Variants in CAPZB observed in about 807,000 individuals in gnomAD.
CAPZB encodes capping actin protein of muscle Z-line subunit beta, also known as F-actin-capping protein subunit beta.
CAPZB carries 2 observed loss-of-function variants against 38.1 expected under a neutral mutation model. That is an observed-to-expected ratio of 0.05 (90% CI 0.02 to 0.17). The LOEUF (loss-of-function observed/expected upper bound fraction) is 0.17, where lower values mean the gene tolerates loss of function less well. Among genes scored for constraint, CAPZB ranks in the 10% least tolerant of loss-of-function variants. The pLI, the probability that CAPZB is intolerant of heterozygous loss-of-function variation, is 1.00. For synonymous variants in CAPZB, 107 were observed against 127.4 expected (o/e 0.84, Z 1.08); for missense variants, 161 against 334.2 (o/e 0.48, Z 4.04).
chr1:19,405,145 C>A (rs1299631068), intron 2 of CAPZB, among the ~76,000 whole-genome samples: 1 of 152,188 alleles, frequency 6.6e-6, no homozygotes, highest in Non-Finnish European at 1.5e-5. Flanking sequence ...GGTCTCAGAT[C>A]ACACAGCCTA....
At chr1:19,342,048 G>A (rs1399527083) in intron 8 of CAPZB, among the ~76,000 whole-genome samples, 2 of 152,232 alleles carry the variant, frequency 1.3e-5, no homozygotes, top group Non-Finnish European at 1.5e-5. Flanking sequence ...ACAAGCTCAA[G>A]TCATGGTTCT....
chr1:19,476,235 G>GATAA (rs2094606697), intron 1 of CAPZB, among the ~76,000 whole-genome samples: 1 of 151,174 alleles, frequency 6.6e-6, no homozygotes, highest in African/African-American at 2.5e-5. Context: ...TAGGCAGGCA[G>GATAA]GCAGGCACTG....
At chr1:19,387,080 G>GGTAGGCCCTTTAC (rs1268536358) in intron 2 of CAPZB, among the ~76,000 whole-genome samples, 1 of 55,124 alleles carries the variant, frequency 1.8e-5, no homozygotes, top group African/African-American at 1.0e-4. Context: ...CACGCACTAT[G>GGTAGGCCCTTTAC]GTAGAGCATA....
intron 1 of CAPZB, among the ~76,000 whole-genome samples, chr1:19,468,960 A>C (rs2094577438): frequency 6.6e-6 from 1 of 152,192 alleles, no homozygotes; most frequent in Non-Finnish European, 1.5e-5. Flanking sequence ...CCCTGACAGC[A>C]ATTATCTTCC....
intron 7 of CAPZB, 61 bp from the exon 8 acceptor site, chr1:19,344,495 C>T: frequency 7.7e-7 from 1 of 1,293,080 alleles, no homozygotes; most frequent in Non-Finnish European, 1.1e-6. Context: ...CCCACGCCCT[C>T]CCTCCACCTG....
intron 1 of CAPZB, among the ~76,000 whole-genome samples, chr1:19,430,984 C>T (rs76485204): frequency 0.029 from 4,364 of 152,184 alleles, 207 homozygotes; most frequent in African/African-American, 0.1. Flanking sequence ...GTGTGCATAC[C>T]CCTCCACCTG....
chr1:19,425,016 G>C (rs984904601), intron 1 of CAPZB, among the ~76,000 whole-genome samples: 1 of 152,198 alleles, frequency 6.6e-6, no homozygotes, highest in Non-Finnish European at 1.5e-5. Flanking sequence ...AGACAGAGAA[G>C]GTACAAAGAG....
At chr1:19,480,261 A>C (rs907135551) in intron 1 of CAPZB, among the ~76,000 whole-genome samples, 1 of 152,170 alleles carries the variant, frequency 6.6e-6, no homozygotes, top group Admixed American at 6.5e-5. Context: ...GACATGCAAC[A>C]ACCACAGCTA....
chr1:19,457,165 G>A (rs906001929), intron 1 of CAPZB, among the ~76,000 whole-genome samples: 3 of 152,164 alleles, frequency 2.0e-5, no homozygotes, highest in Non-Finnish European at 4.4e-5. Flanking sequence ...ACAAAGGGAG[G>A]GGCCTTGGGA....
At position 19,342,390 on chromosome 1, in the gene CAPZB, G is replaced by A. The variant is rs566426382; in HGVS notation, c.731+1968C>T. The stretch of plus-strand genomic sequence containing the variant: ...CATCAGAGGCTCCTCTGAAGCATGG[G>A]GGGGTGGACGGCAGGCAGATCCCTG... On this transcript the variant is annotated intron_variant, in intron 8 of 8. Coordinates refer to ENST00000264202, the MANE Select transcript of CAPZB (RefSeq NM_004930.5). Among the ~76,000 whole-genome samples, 20 of 152,380 alleles carry A rather than the reference G, an allele frequency of 1.3e-4. No homozygotes were observed. In the South Asian group the frequency reaches 3.5e-3, roughly 27 times the overall value.
intron 1 of CAPZB, among the ~76,000 whole-genome samples, chr1:19,446,547 C>A (rs749292954): frequency 2.0e-5 from 3 of 152,052 alleles, no homozygotes; most frequent in Non-Finnish European, 4.4e-5. Flanking sequence ...ATATTCATAA[C>A]CTCCTAGGAA....
chr1:19,342,527 C>T (rs2093935522), intron 8 of CAPZB, among the ~76,000 whole-genome samples: 1 of 152,224 alleles, frequency 6.6e-6, no homozygotes, highest in African/African-American at 2.4e-5. Context: ...GCCGTCTTCC[C>T]CACACCCAGC....
Position 19,345,193 on chromosome 1 carries a change from C to T in CAPZB, c.648G>A (p.Leu216=). The T allele has an allele frequency of 6.2e-7, 1 of 1,613,862 alleles. No individual in the cohort carries two copies. Among genetic ancestry groups the T allele is most frequent in the Middle Eastern group, 1.7e-4 (1 of 6,060 alleles). ...CAGAGCCCAGGTCACTCACCTCTAC[C>T]AGGCGCCCGATGTTGGCTATGTGTG... The part of the protein sequence containing the change: ...CSPHIANIGR[L]VEDMENKIRS... Residue 216 remains leucine (L), a synonymous_variant, in exon 7 of 9, where the codon CTG becomes CTA. Transcript: ENST00000264202.
rs1288489050 is a variant in CAPZB at position 19,402,679 on chromosome 1, T to C, written c.93+16982A>G. On this transcript the variant is annotated intron_variant, in intron 2 of 8. Coordinates refer to ENST00000264202, the MANE Select transcript of CAPZB (RefSeq NM_004930.5). ...GGCTCTGCCCACTCTAAGCTTTCCC[T>C]GGGATTTGCCTGCCAAGGGTGGGCC... Among the ~76,000 whole-genome samples, 4 of 150,030 alleles carry C rather than the reference T, an allele frequency of 2.7e-5. No homozygotes were observed. In the East Asian group the frequency reaches 7.8e-4, roughly 29 times the overall value.
chr1:19,352,709 C>T (rs1374188660), intron 6 of CAPZB, among the ~76,000 whole-genome samples: 1 of 152,398 alleles, frequency 6.6e-6, no homozygotes, highest in African/African-American at 2.4e-5. Flanking sequence ...GACAGCCTCA[C>T]TGCTGCGGGA....
At chr1:19,469,753 C>A (rs1038714905) in intron 1 of CAPZB, among the ~76,000 whole-genome samples, 4 of 146,748 alleles carry the variant, frequency 2.7e-5, no homozygotes, top group African/African-American at 1.0e-4. Flanking sequence ...CACACACACA[C>A]ACACACACAC....
chr1:19,381,365 AAG>A (rs939476330), intron 3 of CAPZB, among the ~76,000 whole-genome samples: 6 of 149,070 alleles, frequency 4.0e-5, no homozygotes, highest in African/African-American at 1.2e-4. Flanking sequence ...CCTCGACTGC[AAG>A]AGGTCTTTGA....
chr1:19,359,237 T>C (rs1442583498), intron 4 of CAPZB, among the ~76,000 whole-genome samples: 1 of 132,618 alleles, frequency 7.5e-6, no homozygotes, highest in Non-Finnish European at 1.6e-5. Flanking sequence ...TTTTTTGCAA[T>C]TTTACAGTAA....
At chr1:19,458,099 CA>C (rs58149759) in intron 1 of CAPZB, among the ~76,000 whole-genome samples, 16,950 of 128,504 alleles carry the variant, frequency 0.13, 1,092 homozygotes, top group East Asian at 0.24. Flanking sequence ...AAGGAGTTGC[CA>C]AAAAAAAAAA....
Sources: allele counts gnomAD v4.1 joint callset (sites outside exome capture counted in the v4.1 genomes callset), GRCh38; gene constraint gnomAD v4.1.1; transcripts MANE v1.5; gene names NCBI Gene and HGNC (gene_info 2026-07-23, HGNC 2026-07-21).